OTOGL: variants seen among roughly 807,000 people sequenced by gnomAD.
The protein encoded by OTOGL is otogelin like.
A neutral mutation model predicts 318.5 loss-of-function variants in OTOGL; 285 were observed. That is an observed-to-expected ratio of 0.89 (90% CI 0.81 to 0.99). OTOGL has a LOEUF of 0.99. Among genes scored for constraint, OTOGL ranks in the 50% least tolerant of loss-of-function variants. OTOGL has a pLI of 0.00. For synonymous variants in OTOGL, 987 were observed against 936.5 expected, an observed-to-expected ratio of 1.05 and a Z score of -0.99; for missense variants, 2,899 against 2,845.6, an observed-to-expected ratio of 1.02 and a Z score of -0.43.
At chr12:80,123,385 A>G (rs113514315) in intron 1 of OTOGL, among the ~76,000 whole-genome samples, 5,031 of 152,270 alleles carry the variant, frequency 0.033, 100 homozygotes, top group Non-Finnish European at 0.048. Context: ...AAGGCTGTGT[A>G]GTATTCTATG....
At chr12:80,338,624 C>T (rs1372393452) in intron 42 of OTOGL, among the ~76,000 whole-genome samples, 1 of 152,088 alleles carries the variant, frequency 6.6e-6, no homozygotes, top group Non-Finnish European at 1.5e-5. Flanking sequence ...CACTGGGAAT[C>T]TTGATCTTTA....
chr12:80,109,285 T>A (rs1182643501), intron 1 of OTOGL, among the ~76,000 whole-genome samples: 1 of 152,124 alleles, frequency 6.6e-6, no homozygotes, highest in Non-Finnish European at 1.5e-5. Flanking sequence ...AAAATATGAG[T>A]TTGTATTGAC....
chr12:80,172,550 C>T (rs760829109), intron 1 of OTOGL, among the ~76,000 whole-genome samples: 1 of 151,846 alleles, frequency 6.6e-6, no homozygotes, highest in South Asian at 2.1e-4. Flanking sequence ...GGAAGAGCAT[C>T]GGGATTGCCT....
intron 1 of OTOGL, among the ~76,000 whole-genome samples, chr12:80,147,518 A>G (rs967679470): frequency 3.3e-5 from 5 of 151,356 alleles, no homozygotes; most frequent in Non-Finnish European, 4.4e-5. Flanking sequence ...GTGCTGAAAA[A>G]AATGTATATT....
chr12:80,327,755 C>T (rs1470805931), intron 35 of OTOGL, among the ~76,000 whole-genome samples: 2 of 151,034 alleles, frequency 1.3e-5, no homozygotes, highest in Non-Finnish European at 2.9e-5. Context: ...GTCAGGAGAT[C>T]GAGACCATCC....
chr12:80,208,665 T>C (rs1877001240), intron 1 of OTOGL, among the ~76,000 whole-genome samples: 1 of 152,226 alleles, frequency 6.6e-6, no homozygotes, highest in African/African-American at 2.4e-5. Flanking sequence ...ATAAGTCTGT[T>C]GTTTAATTGG....
intron 37 of OTOGL, among the ~76,000 whole-genome samples, chr12:80,331,606 C>A (rs577297373): frequency 1.3e-4 from 20 of 152,042 alleles, no homozygotes; most frequent in Non-Finnish European, 2.9e-4. Context: ...TCCCAAAGTG[C>A]TGGGATTACA....
chr12:80,205,912 C>T (rs1424364963), intron 1 of OTOGL, among the ~76,000 whole-genome samples: 1 of 152,104 alleles, frequency 6.6e-6, no homozygotes, highest in Non-Finnish European at 1.5e-5. Context: ...AAAATTTTCC[C>T]ATTCTTGCCA....
At chr12:80,340,461 C>A (rs1285754806) in intron 43 of OTOGL, among the ~76,000 whole-genome samples, 1 of 152,090 alleles carries the variant, frequency 6.6e-6, no homozygotes, top group Non-Finnish European at 1.5e-5. Context: ...TGCATATTTT[C>A]TCCTATAACT....
At position 80,232,938 on chromosome 12, in the gene OTOGL, G is replaced by T. The variant is rs1210653107; in HGVS notation, c.658G>T (p.Ala220Ser). Residue 220 changes from alanine (A) to serine (S), a missense_variant, in exon 9 of 59, where the codon GCT becomes TCT. By Grantham distance (99) the Ala-to-Ser change is moderately conservative. Transcript: ENST00000547103. ...TIGQIFIEKLADYILVKTTFG... is the reference protein window; with the variant it reads ...TIGQIFIEKLSDYILVKTTFG... Reference sequence around the variant, plus strand: ...TGGACAGATTTTCATTGAGAAACTAGCTGACTACATTCTTGTGAAAACAAC... The same window carrying T: ...TGGACAGATTTTCATTGAGAAACTATCTGACTACATTCTTGTGAAAACAAC... 6.3e-7 allele frequency: 1 copy of T among 1,599,272 alleles called. No individual in the cohort carries two copies. Among genetic ancestry groups the T allele is most frequent in the Admixed American group, 1.7e-5 (1 of 59,994 alleles).
chr12:80,217,917 A>AT (rs1471090343), intron 5 of OTOGL, among the ~76,000 whole-genome samples: 4 of 152,286 alleles, frequency 2.6e-5, no homozygotes, highest in Admixed American at 6.5e-5. Flanking sequence ...GTAAGAAACT[A>AT]TTTTTTTGTG....
intron 1 of OTOGL, among the ~76,000 whole-genome samples, chr12:80,200,323 A>G (rs1876371147): frequency 6.6e-6 from 1 of 152,244 alleles, no homozygotes; most frequent in South Asian, 2.1e-4. Context: ...CCACAAATAA[A>G]TGTGACTATG....
intron 1 of OTOGL, among the ~76,000 whole-genome samples, chr12:80,193,408 C>T (rs535800218): frequency 9.2e-5 from 14 of 152,012 alleles, no homozygotes; most frequent in African/African-American, 3.1e-4. Flanking sequence ...CCCAGTTACT[C>T]GGGAGGCTGA....
Position 80,266,503 on chromosome 12 carries a change from C to A in OTOGL, c.2277C>A (p.Leu759=). 6.2e-7 allele frequency: 1 copy of A among 1,613,596 alleles called. No homozygotes were observed. Among genetic ancestry groups the A allele is most frequent in the Non-Finnish European group, 8.5e-7 (1 of 1,179,714 alleles). The change falls in exon 21 of 59, where the codon CTC becomes CTA. Residue 759 remains leucine (L), a synonymous_variant. Coordinates refer to ENST00000547103, the MANE Select transcript of OTOGL (RefSeq NM_001378609.3). ...ACCATCACTGTTCCTCGTTCTGCCTCCATTCCTGCATTTCTCTCTCTTCCC... is the reference window on the plus strand; with the variant it reads ...ACCATCACTGTTCCTCGTTCTGCCTACATTCCTGCATTTCTCTCTCTTCCC... ...MLYHHCSSFC[L]HSCISLSSPE... is the part of the protein sequence containing the mutation.
At chr12:80,221,173 G>C (rs576546766) in intron 6 of OTOGL, among the ~76,000 whole-genome samples, 1 of 151,822 alleles carries the variant, frequency 6.6e-6, no homozygotes, top group Non-Finnish European at 1.5e-5. Flanking sequence ...AAAAAAGGTA[G>C]GCATGACAAT....
intron 1 of OTOGL, among the ~76,000 whole-genome samples, chr12:80,185,418 A>T (rs1258436634): frequency 3.3e-5 from 5 of 152,074 alleles, no homozygotes; most frequent in African/African-American, 1.2e-4. Context: ...CCTCCCAAGT[A>T]GCTGGGATCA....
chr12:80,190,024 C>T (rs182562595), intron 1 of OTOGL, among the ~76,000 whole-genome samples: 63 of 152,246 alleles, frequency 4.1e-4, no homozygotes, highest in Non-Finnish European at 1.0e-4. Flanking sequence ...ACAGCATCTC[C>T]GGCCCCATTT....
At chr12:80,310,525 T>A in intron 29 of OTOGL, 86 bp from the exon 30 acceptor site, 2 of 844,198 alleles carry the variant, frequency 2.4e-6, no homozygotes, top group Non-Finnish European at 3.8e-6. Context: ...TTAGGCGCAA[T>A]TGTAATGAGT....
intron 44 of OTOGL, among the ~76,000 whole-genome samples, chr12:80,349,651 AT>A (rs1193183160): frequency 6.6e-6 from 1 of 152,166 alleles, no homozygotes; most frequent in African/African-American, 2.4e-5. Flanking sequence ...TATCAATTTC[AT>A]TGCATTTGAT....
Sources: gnomAD v4.1 joint callset for allele counts (sites outside exome capture counted in the v4.1 genomes callset) on GRCh38, gnomAD v4.1.1 for gene constraint, MANE v1.5 for transcripts, NCBI Gene and HGNC (gene_info 2026-07-23, HGNC 2026-07-21) for gene names.